RSPO2: variants seen among roughly 807,000 people sequenced by gnomAD.
RSPO2 encodes R-spondin 2, also known as R-spondin-2.
RSPO2 carries 14 observed loss-of-function variants against 30.9 expected under a neutral mutation model. That is an observed-to-expected ratio of 0.45 (90% CI 0.30 to 0.71). The LOEUF is 0.71. Among genes scored for constraint, RSPO2 ranks in the 30% least tolerant of loss-of-function variants. The pLI is 0.08. For synonymous variants in RSPO2, 107 were observed against 96.4 expected (o/e 1.11, Z -0.64); for missense variants, 264 against 301.9 (o/e 0.87, Z 0.93).
chr8:107,956,436 G>A lies in RSPO2; in HGVS notation c.616+1644C>T, dbSNP rs183388736. 2.3e-3 allele frequency among the ~76,000 whole-genome samples: 349 copies of A among 152,256 alleles called. 3 individuals carry two copies. The highest frequency in any genetic ancestry group is 7.7e-3 in the African/African-American group (320 of 41,566). ...ATGATACATAAGCATTTGTTTTGGCGTAACTTAAATTGCTGACAGTATCAA... is the reference window on the plus strand; with the variant it reads ...ATGATACATAAGCATTTGTTTTGGCATAACTTAAATTGCTGACAGTATCAA... On this transcript the variant is annotated intron_variant, in intron 5 of 5. Coordinates refer to ENST00000276659, the MANE Select transcript of RSPO2 (RefSeq NM_178565.5).
At chr8:107,961,756 T>G (rs1320428749) in intron 3 of RSPO2, among the ~76,000 whole-genome samples, 1 of 152,178 alleles carries the variant, frequency 6.6e-6, no homozygotes, top group Non-Finnish European at 1.5e-5. Flanking sequence ...ATATGTAAAT[T>G]GATAGGCTCA....
intron 2 of RSPO2, among the ~76,000 whole-genome samples, chr8:108,066,887 CACA>C (rs1812689418): frequency 6.6e-6 from 1 of 152,116 alleles, no homozygotes; most frequent in Non-Finnish European, 1.5e-5. Context: ...CTAAGAATGG[CACA>C]ACGAGACATT....
chr8:107,970,268 C>T (rs1032341514), intron 3 of RSPO2, among the ~76,000 whole-genome samples: 3 of 152,052 alleles, frequency 2.0e-5, no homozygotes, highest in African/African-American at 4.8e-5. Flanking sequence ...ATATCATTTT[C>T]GTGTGTCACA....
chr8:107,900,315 A>G lies in RSPO2; in HGVS notation c.*760T>C, dbSNP rs558988559. The G allele has an allele frequency of 6.6e-6, 1 of 152,142 alleles. No individual in the cohort carries two copies. Among genetic ancestry groups the G allele is most frequent in the Non-Finnish European group, 1.5e-5 (1 of 68,006 alleles). The allele number at this position is 152,142 out of a possible 1,614,324, so 9.4% of individuals were successfully genotyped here. A position where few individuals can be genotyped will look rare whatever the true frequency, so the allele number is the denominator to read the frequency against. ...AAAACTAGTTTATCCTACCCTTACA[A>G]TGAGAAATAAGCCCACAATGAGGGG... On this transcript the variant is annotated 3_prime_UTR_variant, in exon 6 of 6. Transcript: ENST00000276659.
intron 3 of RSPO2, among the ~76,000 whole-genome samples, chr8:107,972,727 G>C (rs974080694): frequency 2.0e-5 from 3 of 152,034 alleles, no homozygotes; most frequent in African/African-American, 7.2e-5. Flanking sequence ...GCCAACATCA[G>C]ATATTACTCT....
intron 2 of RSPO2, among the ~76,000 whole-genome samples, chr8:108,038,756 G>GT (rs1811666799): frequency 2.0e-5 from 3 of 150,694 alleles, no homozygotes; most frequent in Admixed American, 1.3e-4. Flanking sequence ...ATTGTTAGTG[G>GT]GTTTTTTTTT....
intron 2 of RSPO2, among the ~76,000 whole-genome samples, chr8:108,005,004 G>C (rs1415925667): frequency 1.3e-5 from 2 of 152,014 alleles, no homozygotes; most frequent in Non-Finnish European, 2.9e-5. Context: ...AACCCAATAT[G>C]ATGGGTTTGA....
intron 2 of RSPO2, among the ~76,000 whole-genome samples, chr8:108,074,720 T>C (rs1480096934): frequency 6.6e-6 from 1 of 152,226 alleles, no homozygotes; most frequent in Non-Finnish European, 1.5e-5. Context: ...TGTTGAAACA[T>C]ACCGTGTACA....
At position 108,029,269 on chromosome 8, in the gene RSPO2, A is replaced by G. The variant is rs76531728; in HGVS notation, c.95-40025T>C. On this transcript the variant is annotated intron_variant, in intron 2 of 5. Coordinates refer to ENST00000276659, the MANE Select transcript of RSPO2 (RefSeq NM_178565.5). Reference sequence around the variant, plus strand: ...AATGGCAGAATTGAGGAGTTGCCACAGAGATCATATGATCTTCAAAGCCTA... The same window carrying G: ...AATGGCAGAATTGAGGAGTTGCCACGGAGATCATATGATCTTCAAAGCCTA... Among the ~76,000 whole-genome samples the G allele has an allele frequency of 3.3e-3, 495 of 151,976 alleles. 6 individuals carry two copies. Among genetic ancestry groups the G allele is most frequent in the African/African-American group, 0.011 (466 of 41,466 alleles).
At chr8:108,035,390 G>A (rs904147415) in intron 2 of RSPO2, among the ~76,000 whole-genome samples, 2 of 152,136 alleles carry the variant, frequency 1.3e-5, no homozygotes, top group Admixed American at 6.5e-5. Context: ...TTACCACATC[G>A]GTAGCACAAA....
At chr8:108,009,190 A>G (rs1810611401) in intron 2 of RSPO2, among the ~76,000 whole-genome samples, 1 of 152,188 alleles carries the variant, frequency 6.6e-6, no homozygotes, top group Admixed American at 6.5e-5. Context: ...AATTGGAATT[A>G]TTGAACTTTT....
intron 5 of RSPO2, among the ~76,000 whole-genome samples, chr8:107,947,269 C>CA (rs1453479697): frequency 6.6e-6 from 1 of 152,166 alleles, no homozygotes; most frequent in Admixed American, 6.5e-5. Flanking sequence ...CAGAGTACTC[C>CA]AAGCTGGCTA....
At chr8:107,901,710 T>A (rs1284396311) in intron 5 of RSPO2, among the ~76,000 whole-genome samples, 3 of 152,250 alleles carry the variant, frequency 2.0e-5, no homozygotes, top group African/African-American at 7.2e-5. Context: ...ATATGTGCAA[T>A]CCTTTATTTT....
chr8:108,003,309 ATATTTTTTTTTTT>A (rs1563559168), intron 2 of RSPO2, among the ~76,000 whole-genome samples: 23 of 16,892 alleles, frequency 1.4e-3, no homozygotes, highest in Admixed American at 6.1e-3. Context: ...ATATATATAT[ATATTTTTTTTTTT>A]TTTTTTTTTT....
intron 5 of RSPO2, among the ~76,000 whole-genome samples, chr8:107,942,704 G>A (rs986055776): frequency 1.3e-5 from 2 of 151,996 alleles, no homozygotes; most frequent in African/African-American, 4.8e-5. Context: ...TTTTCTAGTT[G>A]TTCATGGGTA....
At chr8:107,948,199 CTT>C (rs995766945) in intron 5 of RSPO2, among the ~76,000 whole-genome samples, 5 of 152,150 alleles carry the variant, frequency 3.3e-5, no homozygotes, top group African/African-American at 9.7e-5. Flanking sequence ...TATAAACTCT[CTT>C]GTTTGTATCA....
chr8:108,059,774 T>C (rs1370326077), intron 2 of RSPO2, among the ~76,000 whole-genome samples: 5 of 147,158 alleles, frequency 3.4e-5, no homozygotes, highest in East Asian at 2.0e-4. Context: ...ACACCACACA[T>C]TCTCATTCAT....
At chr8:108,041,415 C>T (rs1811755610) in intron 2 of RSPO2, among the ~76,000 whole-genome samples, 3 of 151,938 alleles carry the variant, frequency 2.0e-5, no homozygotes, top group Non-Finnish European at 2.9e-5. Flanking sequence ...AGAAGATACA[C>T]ATGGAAGAGA....
At chr8:108,047,282 A>G (rs1385495603) in intron 2 of RSPO2, among the ~76,000 whole-genome samples, 1 of 152,242 alleles carries the variant, frequency 6.6e-6, no homozygotes, top group Admixed American at 6.5e-5. Context: ...ATCCTGTTAC[A>G]CATATTTAAG....
Sources: gnomAD v4.1 joint callset for allele counts (sites outside exome capture counted in the v4.1 genomes callset) on GRCh38, gnomAD v4.1.1 for gene constraint, MANE v1.5 for transcripts, NCBI Gene and HGNC (gene_info 2026-07-23, HGNC 2026-07-21) for gene names.